Variants in DNAH3 observed in about 807,000 individuals in gnomAD.
DNAH3 encodes axonemal beta dynein heavy chain 3.
In DNAH3, 332 loss-of-function variants were observed where a neutral mutation model predicts 432.5. The ratio of observed to expected loss-of-function variants is 0.77; its 90% CI spans 0.70 to 0.84. The LOEUF is 0.84. Ranked by LOEUF, DNAH3 falls within the 40% of genes least tolerant of loss-of-function variation. The pLI, the probability that DNAH3 is intolerant of heterozygous loss-of-function variation, is 0.00. For missense variants in DNAH3, 4,861 were observed against 5,114.0 expected (o/e 0.95, Z 1.51); for synonymous variants, 1,956 against 1,900.2 (o/e 1.03, Z -0.76).
intron 18 of DNAH3, among the ~76,000 whole-genome samples, chr16:21,094,832 G>A (rs1597365954): frequency 6.6e-6 from 1 of 152,124 alleles, no homozygotes; most frequent in African/African-American, 2.4e-5. Context: ...TTCCCATGCT[G>A]TTCTCATGAT....
chr16:21,059,122 G>A (rs986382406), intron 26 of DNAH3, among the ~76,000 whole-genome samples: 2 of 152,138 alleles, frequency 1.3e-5, no homozygotes, highest in Non-Finnish European at 2.9e-5. Flanking sequence ...CTATACATAT[G>A]TGTCTTATAA....
chr16:20,981,975 GC>G (rs1202767418), intron 49 of DNAH3, among the ~76,000 whole-genome samples: 1 of 144,986 alleles, frequency 6.9e-6, no homozygotes, highest in African/African-American at 2.6e-5. Flanking sequence ...ATATAATAAA[GC>G]ATATATATAA....
At chr16:20,936,511 G>T in intron 60 of DNAH3, 138 bp downstream of exon 60, 2 of 739,602 alleles carry the variant, frequency 2.7e-6, no homozygotes, top group Non-Finnish European at 2.2e-6. Flanking sequence ...ACTCCAGGAA[G>T]ACTGTTTCCA....
chr16:21,050,464 G>A (rs1054354829), intron 29 of DNAH3, among the ~76,000 whole-genome samples: 1 of 151,938 alleles, frequency 6.6e-6, no homozygotes, highest in Non-Finnish European at 1.5e-5. Flanking sequence ...TTTGAGACAG[G>A]TTCTCACTCT....
In DNAH3 at chr16:21,070,740, TG is replaced by T; in HGVS notation, c.3170del (p.Pro1057HisfsTer6). The T allele has an allele frequency of 1.2e-6, 2 of 1,612,846 alleles. No homozygotes were observed. Among genetic ancestry groups the T allele is most frequent in the Non-Finnish European group, 1.7e-6 (2 of 1,178,860 alleles). ...ATTCTGCTTCTATTGGTTTGATGAA[TG>T]GGGAGCCACACATGGTCTGGGTCTT... On this transcript the variant is annotated frameshift_variant, in exon 22 of 62. Transcript: ENST00000261383. LOFTEE classifies it high-confidence loss of function.
At chr16:21,153,662 C>T (rs566185824) in intron 1 of DNAH3, among the ~76,000 whole-genome samples, 16 of 152,236 alleles carry the variant, frequency 1.1e-4, no homozygotes, top group Middle Eastern at 3.4e-3. Context: ...TTCACTCCTG[C>T]GCCAGCGAGA....
At chr16:21,003,964 T>C (rs1018527734) in intron 41 of DNAH3, among the ~76,000 whole-genome samples, 3 of 152,138 alleles carry the variant, frequency 2.0e-5, no homozygotes, top group Admixed American at 6.5e-5. Context: ...AGGGGACTCA[T>C]TGGACATATA....
intron 16 of DNAH3, among the ~76,000 whole-genome samples, chr16:21,100,946 T>C (rs1567791879): frequency 6.6e-6 from 1 of 152,216 alleles, no homozygotes; most frequent in Non-Finnish European, 1.5e-5. Context: ...GTTTCTAATT[T>C]CTTATAATTG....
chr16:21,155,604 A>T (rs972841540), intron 1 of DNAH3, among the ~76,000 whole-genome samples: 1 of 137,226 alleles, frequency 7.3e-6, no homozygotes, highest in Non-Finnish European at 1.5e-5. Context: ...CCTGGGAGAC[A>T]GAGCAAGACT....
chr16:21,087,112 T>A, intron 18 of DNAH3, 52 bp from the exon 19 acceptor site: 1 of 1,439,296 alleles, frequency 6.9e-7, no homozygotes, highest in South Asian at 1.1e-5. Context: ...ATGTTAGTCA[T>A]GCGTACCTTT....
chr16:21,147,052 G>A (rs1393200464), intron 1 of DNAH3, among the ~76,000 whole-genome samples: 5 of 151,294 alleles, frequency 3.3e-5, no homozygotes, highest in East Asian at 3.9e-4. Flanking sequence ...GAGCCACCAC[G>A]CCCGGCCCCT....
At chr16:21,157,183 T>C (rs1597509613) in intron 1 of DNAH3, among the ~76,000 whole-genome samples, 1 of 152,254 alleles carries the variant, frequency 6.6e-6, no homozygotes, top group African/African-American at 2.4e-5. Context: ...CAGGATTCTG[T>C]GGTTTATCAT....
chr16:21,153,773 G>A (rs967767149), intron 1 of DNAH3, among the ~76,000 whole-genome samples: 10 of 152,038 alleles, frequency 6.6e-5, no homozygotes, highest in African/African-American at 2.2e-4. Flanking sequence ...TCACCGCGAG[G>A]GCCCACGGCT....
Position 21,112,114 on chromosome 16 carries a change from G to C in DNAH3, c.1815-16C>G. On this transcript the variant is annotated splice_polypyrimidine_tract_variant and intron_variant, in intron 12 of 61. Coordinates refer to ENST00000261383, the Ensembl canonical transcript of DNAH3. Reference sequence around the variant, plus strand: ...ATTTAAATATCTTCCATATTGAAGGGTGTGAAATCAAACACACAAATATAA... The same window carrying C: ...ATTTAAATATCTTCCATATTGAAGGCTGTGAAATCAAACACACAAATATAA... 6.4e-7 allele frequency: 1 copy of C among 1,553,982 alleles called. No individual in the cohort carries two copies.
chr16:21,017,665 G>A (rs146637242), intron 41 of DNAH3, among the ~76,000 whole-genome samples: 6 of 152,214 alleles, frequency 3.9e-5, no homozygotes, highest in South Asian at 2.1e-4. Flanking sequence ...ACAGGCATGC[G>A]TCCTCAACCT....
intron 7 of DNAH3, among the ~76,000 whole-genome samples, chr16:21,133,183 C>G (rs1362136006): frequency 6.6e-6 from 1 of 151,738 alleles, no homozygotes; most frequent in Non-Finnish European, 1.5e-5. Context: ...GAAACTCCGT[C>G]TCTATCAAAA....
At chr16:21,062,404 G>C (rs192277844) in intron 25 of DNAH3, 78 bp downstream of exon 25, 3 of 1,214,476 alleles carry the variant, frequency 2.5e-6, no homozygotes, top group Non-Finnish European at 3.6e-6. Context: ...CTGGTGCTTA[G>C]TCCCAGTGCT....
At chr16:21,029,443 C>G (rs978603925) in intron 37 of DNAH3, among the ~76,000 whole-genome samples, 3 of 152,174 alleles carry the variant, frequency 2.0e-5, no homozygotes, top group African/African-American at 7.2e-5. Flanking sequence ...ATGCCAGGCA[C>G]CATCAGAAGA....
intron 14 of DNAH3, among the ~76,000 whole-genome samples, chr16:21,107,890 T>G (rs938967530): frequency 6.6e-6 from 1 of 151,454 alleles, no homozygotes; most frequent in Non-Finnish European, 1.5e-5. Flanking sequence ...TGAGATGGAG[T>G]CTTGCTCTGT....
Sources: gnomAD v4.1 joint callset for allele counts (sites outside exome capture counted in the v4.1 genomes callset) on GRCh38, gnomAD v4.1.1 for gene constraint, MANE v1.5 for transcripts, NCBI Gene and HGNC (gene_info 2026-07-23, HGNC 2026-07-21) for gene names.